SEPTIN8: variants seen among roughly 807,000 people sequenced by gnomAD.
SEPTIN8 encodes septin 8, also known as septin-8.
SEPTIN8 carries 22 observed loss-of-function variants against 53.1 expected under a neutral mutation model. The ratio of observed to expected loss-of-function variants is 0.41; its 90% confidence interval spans 0.30 to 0.59. The LOEUF is 0.59. Among genes scored for constraint, SEPTIN8 ranks in the 20% least tolerant of loss-of-function variants. SEPTIN8 has a pLI of 0.24. For synonymous variants in SEPTIN8, 228 were observed against 248.4 expected, an observed-to-expected ratio of 0.92 and a Z score of 0.77; for missense variants, 536 against 638.7, an observed-to-expected ratio of 0.84 and a Z score of 1.73.
At chr5:132,757,602 T>C (rs1720512145) in intron 9 of SEPTIN8, 1 of 985,352 alleles carries the variant, frequency 1.0e-6, no homozygotes, top group African/African-American at 1.7e-5. Flanking sequence ...TGCATTCCTC[T>C]GGGTAGCTCC....
chr5:132,758,373 G>A (rs942530938), intron 9 of SEPTIN8: 2 of 1,418,000 alleles, frequency 1.4e-6, no homozygotes, highest in African/African-American at 2.9e-5. Flanking sequence ...TAAAATGAGG[G>A]GAACTGGGTG....
chr5:132,774,417 G>C (rs943245671), intron 1 of SEPTIN8, among the ~76,000 whole-genome samples: 10 of 152,208 alleles, frequency 6.6e-5, no homozygotes, highest in African/African-American at 1.7e-4. Context: ...CTGAGCCCCA[G>C]AGTCAAGGTT....
Position 132,773,754 on chromosome 5 carries a change from G to A in SEPTIN8, c.30+3354C>T, listed in dbSNP as rs1257040302. Among the ~76,000 whole-genome samples the A allele has an allele frequency of 6.6e-6, 1 of 152,212 alleles. No individual in the cohort carries two copies. Among genetic ancestry groups the A allele is most frequent in the Non-Finnish European group, 1.5e-5 (1 of 68,042 alleles). ...TGGTCTCCTCCTTGCCATCCTCTCT[G>A]TTCCTATCATGGTCAGTCTTTTAGC... On this transcript the variant is annotated intron_variant, in intron 1 of 9. Coordinates refer to ENST00000378719, the MANE Select transcript of SEPTIN8 (RefSeq NM_001098811.2). This position sits in a 1 kb window ranked among gnomAD's most constrained non-coding sequence, Gnocchi z 4.2.
chr5:132,763,290 G>A (rs1415473218), intron 4 of SEPTIN8, among the ~76,000 whole-genome samples: 1 of 152,116 alleles, frequency 6.6e-6, no homozygotes, highest in African/African-American at 2.4e-5. Context: ...AGGAACCAAA[G>A]GACATTTATG....
At position 132,760,191 on chromosome 5, in the gene SEPTIN8, A is replaced by G. The variant is rs528715177; in HGVS notation, c.1286+611T>C. On this transcript the variant is annotated intron_variant, in intron 9 of 9. Coordinates refer to ENST00000378719, the MANE Select transcript of SEPTIN8 (RefSeq NM_001098811.2). This position sits in a 1 kb window ranked among gnomAD's most constrained non-coding sequence, Gnocchi z 5.2. ...CTGGCGCGAGTGCCCGCAGTTCTCC[A>G]TCACCACCTGCCAGCCAATACGGGC... Among the ~76,000 whole-genome samples the G allele has an allele frequency of 4.6e-5, 7 of 152,136 alleles. No homozygotes were observed. In the South Asian group the frequency reaches 1.5e-3, roughly 32 times the overall value.
At position 132,759,922 on chromosome 5, in the gene SEPTIN8, C is replaced by T. The variant is rs376578668; in HGVS notation, c.1286+880G>A. Among the ~76,000 whole-genome samples the T allele has an allele frequency of 1.3e-4, 20 of 152,226 alleles. No individual in the cohort carries two copies. The South Asian group carries it at 4.1e-3, about 32-fold the overall frequency. ...TGAAGATCGCCAGGGAGAAGTGACT[C>T]ATAGTTGTCCCCACCTGACTACTCC... On this transcript the variant is annotated intron_variant, in intron 9 of 9. Coordinates refer to ENST00000378719, the MANE Select transcript of SEPTIN8 (RefSeq NM_001098811.2).
At chr5:132,757,055 T>G in intron 9 of SEPTIN8, 1 of 985,424 alleles carries the variant, frequency 1.0e-6, no homozygotes, top group Middle Eastern at 5.2e-4. Flanking sequence ...AGTTTACCTT[T>G]TTAGATACCC....
chr5:132,758,452 C>G (rs1050423061), intron 9 of SEPTIN8: 5 of 1,596,884 alleles, frequency 3.1e-6, no homozygotes, highest in Non-Finnish European at 4.3e-6. Context: ...CATCTCCACG[C>G]TGAACAATTA....
Position 132,751,805 on chromosome 5 carries a change from C to T in SEPTIN8, c.*211G>A. The T allele has an allele frequency of 1.2e-6, 1 of 828,394 alleles. No individual in the cohort carries two copies. Among genetic ancestry groups the T allele is most frequent in the Non-Finnish European group, 1.8e-6 (1 of 543,994 alleles). 51.3% of individuals were successfully genotyped at this position (828,394 alleles called of 1,614,324 possible). A position where few individuals can be genotyped will look rare whatever the true frequency, so the allele number is the denominator to read the frequency against. ...AAGCTCAGCTTGGCCACAGGATGGG[C>T]ATTAAGCCTCAAGCCCCTTACGGAG... On this transcript the variant is annotated 3_prime_UTR_variant, in exon 10 of 10. Coordinates refer to ENST00000378719, the MANE Select transcript of SEPTIN8 (RefSeq NM_001098811.2).
intron 1 of SEPTIN8, among the ~76,000 whole-genome samples, chr5:132,772,623 G>T (rs1034658798): frequency 3.3e-5 from 5 of 152,210 alleles, no homozygotes. Context: ...GGGCAGCAAA[G>T]GTGCCCCGCC....
chr5:132,752,167 C>A lies in SEPTIN8; in HGVS notation c.1301G>T (p.Gly434Val). ...GAGGCTCATGCCCGGCTGGTGTGCT[C>A]CTATATCTGATCTGCTAAAGAAAGC... Reference protein sequence around the residue: ...DKDKKNRSDIGAHQPGMSLSS... With the variant: ...DKDKKNRSDIVAHQPGMSLSS... Residue 434 changes from glycine to valine, a missense_variant, in exon 10 of 10, where the codon GGA becomes GTA. Gly to Val is a moderately radical substitution (Grantham distance 109). Transcript: ENST00000378719. The A allele has an allele frequency of 6.3e-7, 1 of 1,586,252 alleles. No individual in the cohort carries two copies. Among genetic ancestry groups the A allele is most frequent in the Non-Finnish European group, 8.6e-7 (1 of 1,165,060 alleles).
Position 132,760,881 on chromosome 5 carries a change from C to G in SEPTIN8, c.1207G>C (p.Ala403Pro). Residue 403 changes from alanine (A) to proline (P), a missense_variant, in exon 9 of 10, where the codon GCT becomes CCT. By Grantham distance (27) the Ala-to-Pro change is conservative. Coordinates refer to ENST00000378719, the MANE Select transcript of SEPTIN8 (RefSeq NM_001098811.2). The surrounding 1 kb of genome is among the most constrained non-coding windows in gnomAD (Gnocchi z 5.2). ...EETNAFNRRKAAVEALQSQAL... is the reference protein window; with the variant it reads ...EETNAFNRRKPAVEALQSQAL... ...TGCGACTGCAGGGCCTCCACCGCAG[C>G]CTTCCGGCGATTGAAGGCGTTGGTC... 1.2e-6 allele frequency: 2 copies of G among 1,612,194 alleles called. No homozygotes were observed. The highest frequency in any genetic ancestry group is 1.7e-6 in the Non-Finnish European group (2 of 1,179,514).
At chr5:132,766,166 C>A (rs1002467146) in intron 1 of SEPTIN8, among the ~76,000 whole-genome samples, 27 of 152,090 alleles carry the variant, frequency 1.8e-4, no homozygotes, top group African/African-American at 5.8e-4. Context: ...CTCACACAAC[C>A]CCCCCGTGGG....
intron 1 of SEPTIN8, among the ~76,000 whole-genome samples, chr5:132,766,360 G>A (rs779034416): frequency 1.3e-5 from 2 of 152,222 alleles, no homozygotes; most frequent in African/African-American, 2.4e-5. Context: ...CTTAGCAGAG[G>A]GCTGAGCGGC....
At chr5:132,754,873 A>G (rs1203209845) in intron 9 of SEPTIN8, among the ~76,000 whole-genome samples, 2 of 152,184 alleles carry the variant, frequency 1.3e-5, no homozygotes, top group African/African-American at 4.8e-5. Flanking sequence ...GCTGAAGAAA[A>G]TGGAGATGGA....
At chr5:132,759,033 A>C (rs1255651615) in intron 9 of SEPTIN8, 2 of 704,896 alleles carry the variant, frequency 2.8e-6, no homozygotes, top group East Asian at 2.7e-5. Flanking sequence ...TTTTGCAAAA[A>C]ATTTGGATTC....
chr5:132,777,239 T>C lies in SEPTIN8; in HGVS notation c.-102A>G. ...CTCCGCCCGGGCGGCTGCGGCTGAA[T>C]GGATCCAATATGGCCACTTCCTGGA... On this transcript the variant is annotated 5_prime_UTR_variant, in exon 1 of 10. Transcript: ENST00000378719. This position sits in a 1 kb window ranked among gnomAD's most constrained non-coding sequence, Gnocchi z 4.1. The C allele has an allele frequency of 1.1e-5, 13 of 1,145,246 alleles. No individual in the cohort carries two copies. The highest frequency in any genetic ancestry group is 1.4e-5 in the Non-Finnish European group (13 of 931,606). The allele number at this position is 1,145,246 out of a possible 1,614,324, so 70.9% of individuals were successfully genotyped here.
chr5:132,763,561 G>C, intron 4 of SEPTIN8, 145 bp downstream of exon 4: 1 of 707,416 alleles, frequency 1.4e-6, no homozygotes, highest in African/African-American at 1.8e-5. Flanking sequence ...ACGCAAGACA[G>C]AGAGAGGACC....
chr5:132,769,651 C>T (rs145304428), intron 1 of SEPTIN8, among the ~76,000 whole-genome samples: 1 of 152,006 alleles, frequency 6.6e-6, no homozygotes, highest in Non-Finnish European at 1.5e-5. Context: ...CTAGATGAGA[C>T]AATAGAGGCA....
Sources: gnomAD v4.1 joint callset for allele counts (sites outside exome capture counted in the v4.1 genomes callset) on GRCh38, gnomAD v4.1.1 for gene constraint, Gnocchi (gnomAD v3.1) non-coding constraint, MANE v1.5 for transcripts, NCBI Gene and HGNC (gene_info 2026-07-23, HGNC 2026-07-21) for gene names.